Variants in MAGI1 observed in about 807,000 individuals in gnomAD.
The protein encoded by MAGI1 is membrane-associated guanylate kinase, WW and PDZ domain-containing protein 1.
Under a neutral mutation model 139.9 loss-of-function variants are expected in MAGI1, and 58 were observed. The ratio of observed to expected loss-of-function variants is 0.41; its 90% CI spans 0.34 to 0.52. MAGI1 has a LOEUF of 0.52. Among genes scored for constraint, MAGI1 ranks in the 20% least tolerant of loss-of-function variants. The probability of loss-of-function intolerance (pLI) is 0.12; values close to 1 mark genes in which losing one functional copy is unlikely to be tolerated. For missense variants in MAGI1, 1,874 were observed against 1,901.6 expected (o/e 0.99, Z 0.27); for synonymous variants, 812 against 737.9 (o/e 1.10, Z -1.63).
chr3:65,407,446 CA>C (rs200345922), intron 12 of MAGI1, among the ~76,000 whole-genome samples: 40,356 of 97,744 alleles, frequency 0.41, 5,832 homozygotes, highest in Middle Eastern at 0.56. Flanking sequence ...GACTCCGTCT[CA>C]AAAAAAAAAA....
intron 1 of MAGI1, among the ~76,000 whole-genome samples, chr3:65,670,129 T>C (rs998532064): frequency 2.0e-5 from 3 of 152,192 alleles, no homozygotes; most frequent in Non-Finnish European, 4.4e-5. Context: ...GAAGTTCTTT[T>C]CAAACTGATG....
intron 1 of MAGI1, among the ~76,000 whole-genome samples, chr3:65,928,002 T>C (rs2106687335): frequency 6.6e-6 from 1 of 152,324 alleles, no homozygotes; most frequent in East Asian, 1.9e-4. Flanking sequence ...CCCAAGTCCC[T>C]TCAGTATACA....
intron 1 of MAGI1, among the ~76,000 whole-genome samples, chr3:65,898,633 A>C (rs1342445993): frequency 2.6e-5 from 4 of 152,298 alleles, no homozygotes; most frequent in South Asian, 2.1e-4. Flanking sequence ...TTAGTATACA[A>C]AGTCCTTCAA....
chr3:65,651,931 G>A (rs575586691), intron 1 of MAGI1, among the ~76,000 whole-genome samples: 2 of 152,228 alleles, frequency 1.3e-5, no homozygotes, highest in South Asian at 4.1e-4. Context: ...ATATTTATAT[G>A]TAAACATCTA....
intron 12 of MAGI1, among the ~76,000 whole-genome samples, chr3:65,411,733 T>G (rs1575652130): frequency 6.6e-6 from 1 of 152,152 alleles, no homozygotes; most frequent in Non-Finnish European, 1.5e-5. Context: ...CAACTGCTTA[T>G]TTTTAGTAAT....
intron 2 of MAGI1, among the ~76,000 whole-genome samples, chr3:65,590,744 C>T (rs2081931389): frequency 6.6e-6 from 1 of 152,092 alleles, no homozygotes; most frequent in African/African-American, 2.4e-5. Context: ...GATAGGCAAA[C>T]CTTCACAGGA....
chr3:65,956,706 A>G (rs935410834), intron 1 of MAGI1, among the ~76,000 whole-genome samples: 1 of 152,192 alleles, frequency 6.6e-6, no homozygotes, highest in Non-Finnish European at 1.5e-5. Flanking sequence ...GCTTAAAATT[A>G]CCTATTGAAG....
At chr3:65,509,525 A>G (rs2077468208) in intron 2 of MAGI1, among the ~76,000 whole-genome samples, 2 of 151,944 alleles carry the variant, frequency 1.3e-5, no homozygotes, top group African/African-American at 4.8e-5. Context: ...TCCCTTTCCG[A>G]CTCAAAGAAA....
chr3:65,877,821 C>G (rs2060174346), intron 1 of MAGI1, among the ~76,000 whole-genome samples: 1 of 152,082 alleles, frequency 6.6e-6, no homozygotes, highest in South Asian at 2.1e-4. Flanking sequence ...AAAACAGGAA[C>G]ATGGGGCCAG....
intron 12 of MAGI1, among the ~76,000 whole-genome samples, chr3:65,423,000 C>A (rs1026038989): frequency 6.6e-6 from 1 of 152,102 alleles, no homozygotes; most frequent in Non-Finnish European, 1.5e-5. Flanking sequence ...AGACCTGTTG[C>A]GAGGCCACTG....
chr3:65,881,953 G>C (rs1478377837), intron 1 of MAGI1, among the ~76,000 whole-genome samples: 1 of 152,222 alleles, frequency 6.6e-6, no homozygotes, highest in Non-Finnish European at 1.5e-5. Context: ...AGGAGATCAA[G>C]TTCTATCACA....
At chr3:65,968,211 G>A (rs1048456811) in intron 1 of MAGI1, among the ~76,000 whole-genome samples, 17 of 152,224 alleles carry the variant, frequency 1.1e-4, no homozygotes, top group Middle Eastern at 3.4e-3. Context: ...TGGCAATATC[G>A]AACAAAAACA....
chr3:65,796,736 C>T (rs1219731072), intron 1 of MAGI1, among the ~76,000 whole-genome samples: 1 of 152,174 alleles, frequency 6.6e-6, no homozygotes, highest in Admixed American at 6.5e-5. Flanking sequence ...TAATAAGGTG[C>T]CGATAGTAAA....
intron 6 of MAGI1, among the ~76,000 whole-genome samples, chr3:65,449,644 C>T (rs1364886807): frequency 3.9e-5 from 6 of 152,008 alleles, no homozygotes; most frequent in African/African-American, 9.7e-5. Flanking sequence ...AGGCAGGTGG[C>T]GCTCACCTGT....
At chr3:65,933,453 T>C (rs1288673790) in intron 1 of MAGI1, among the ~76,000 whole-genome samples, 1 of 152,190 alleles carries the variant, frequency 6.6e-6, no homozygotes, top group Non-Finnish European at 1.5e-5. Context: ...TCTGTCCTCA[T>C]ACTATAGCAG....
chr3:65,519,452 C>T (rs2078054264), intron 2 of MAGI1, among the ~76,000 whole-genome samples: 1 of 151,952 alleles, frequency 6.6e-6, no homozygotes, highest in African/African-American at 2.4e-5. Context: ...GTGGTGCGAT[C>T]TTGGCTCACT....
At chr3:65,757,798 G>T (rs2036683126) in intron 1 of MAGI1, among the ~76,000 whole-genome samples, 1 of 152,180 alleles carries the variant, frequency 6.6e-6, no homozygotes, top group Non-Finnish European at 1.5e-5. Context: ...AATTATTTGA[G>T]AAATTAAGTA....
At chr3:65,661,431 A>AG in intron 1 of MAGI1, among the ~76,000 whole-genome samples, 1 of 152,300 alleles carries the variant, frequency 6.6e-6, no homozygotes, top group Non-Finnish European at 1.5e-5. Context: ...TGGTTTTCAG[A>AG]GGGAAAAAAG....
At chr3:65,661,497 T>C (rs935273921) in intron 1 of MAGI1, among the ~76,000 whole-genome samples, 12 of 152,288 alleles carry the variant, frequency 7.9e-5, no homozygotes, top group Non-Finnish European at 1.3e-4. Flanking sequence ...TGCTGTATGG[T>C]TAAAGTCTGA....
Sources: gnomAD v4.1 joint callset for allele counts (sites outside exome capture counted in the v4.1 genomes callset) on GRCh38, gnomAD v4.1.1 for gene constraint, MANE v1.5 for transcripts, NCBI Gene and HGNC (gene_info 2026-07-23, HGNC 2026-07-21) for gene names.